The following EPS15 variants were observed in gnomAD, a reference collection of about 807,000 sequenced individuals.
EPS15 encodes the protein epidermal growth factor receptor pathway substrate 15.
A neutral mutation model predicts 113.8 loss-of-function variants in EPS15; 72 were observed. The observed-to-expected ratio is 0.63, with a 90% CI of 0.52 to 0.77. The LOEUF is 0.77. EPS15 is among the 30% of genes least tolerant of loss of function. The pLI is 0.00. For synonymous variants in EPS15, 344 were observed against 363.4 expected, an observed-to-expected ratio of 0.95 and a Z score of 0.61; for missense variants, 1,048 against 1,045.8, an observed-to-expected ratio of 1.00 and a Z score of -0.03.
At chr1:51,357,391 AATATATATATATATAT>A (rs869072153) in intron 24 of EPS15, among the ~76,000 whole-genome samples, 1 of 65,720 alleles carries the variant, frequency 1.5e-5, no homozygotes, top group African/African-American at 7.0e-5. Context: ...AAAAAAAAAA[AATATATATATATATAT>A]ATATATATAT....
chr1:51,436,883 A>T (rs183080772), intron 12 of EPS15, among the ~76,000 whole-genome samples: 10 of 152,300 alleles, frequency 6.6e-5, no homozygotes, highest in Admixed American at 6.5e-4. Flanking sequence ...GGGAATTCAT[A>T]TCCTACTAGA....
chr1:51,373,837 G>A (rs1051588354), intron 21 of EPS15, among the ~76,000 whole-genome samples: 1 of 152,148 alleles, frequency 6.6e-6, no homozygotes, highest in Non-Finnish European at 1.5e-5. Flanking sequence ...TGTAATCTCA[G>A]CTACTTGGGA....
chr1:51,392,179 C>T (rs1370190805), intron 21 of EPS15, among the ~76,000 whole-genome samples: 1 of 152,154 alleles, frequency 6.6e-6, no homozygotes, highest in South Asian at 2.1e-4. Context: ...AAACCAGAGA[C>T]CTCATTTGAA....
intron 21 of EPS15, among the ~76,000 whole-genome samples, chr1:51,381,756 T>G (rs1409655536): frequency 1.3e-5 from 2 of 151,838 alleles, no homozygotes; most frequent in Non-Finnish European, 2.9e-5. Context: ...GAAAATATCT[T>G]GAAACAAATG....
At chr1:51,376,070 A>G (rs1646790498) in intron 21 of EPS15, among the ~76,000 whole-genome samples, 1 of 152,260 alleles carries the variant, frequency 6.6e-6, no homozygotes, top group African/African-American at 2.4e-5. Context: ...GCAGTCTTCT[A>G]CTGGAAGAAA....
At chr1:51,446,924 C>A in intron 10 of EPS15, 36 bp downstream of exon 10, 1 of 1,523,604 alleles carries the variant, frequency 6.6e-7, no homozygotes, top group Non-Finnish European at 8.9e-7. Context: ...GATACAAAAC[C>A]ATATTTTTAA....
intron 13 of EPS15, among the ~76,000 whole-genome samples, chr1:51,415,953 GAAAATTATTTGT>G (rs1424396468): frequency 6.6e-6 from 1 of 151,204 alleles, no homozygotes; most frequent in East Asian, 1.9e-4. Flanking sequence ...AATTTCACTG[GAAAATTATTTGT>G]AAGGCTACCA....
chr1:51,507,905 C>T (rs1422248368), intron 1 of EPS15, among the ~76,000 whole-genome samples: 2 of 151,944 alleles, frequency 1.3e-5, no homozygotes, highest in Admixed American at 6.6e-5. Flanking sequence ...AGGCCCAACG[C>T]GGTGGCTCAC....
intron 1 of EPS15, among the ~76,000 whole-genome samples, chr1:51,495,817 AG>A (rs1644315187): frequency 6.6e-6 from 1 of 152,190 alleles, no homozygotes; most frequent in African/African-American, 2.4e-5. Context: ...CAGAAATAAC[AG>A]CTTTGATTAG....
intron 18 of EPS15, 141 bp from the exon 19 acceptor site, chr1:51,401,094 T>C (rs934326762): frequency 2.0e-5 from 11 of 548,412 alleles, no homozygotes; most frequent in East Asian, 9.6e-5. Flanking sequence ...ATAAGGAATG[T>C]CATTGACCTT....
chr1:51,506,756 T>G (rs1278974531), intron 1 of EPS15, among the ~76,000 whole-genome samples: 1 of 144,212 alleles, frequency 6.9e-6, no homozygotes, highest in African/African-American at 2.6e-5. Context: ...CACCCCCAGA[T>G]CTTACAAGGC....
chr1:51,433,830 A>G (rs1314025051), intron 12 of EPS15, among the ~76,000 whole-genome samples: 1 of 152,232 alleles, frequency 6.6e-6, no homozygotes, highest in Non-Finnish European at 1.5e-5. Flanking sequence ...TGCTAAAAGG[A>G]CAGAGACAGG....
chr1:51,424,532 A>T (rs1240095339), intron 12 of EPS15, among the ~76,000 whole-genome samples: 1 of 152,226 alleles, frequency 6.6e-6, no homozygotes, highest in Non-Finnish European at 1.5e-5. Context: ...CCACAATAAG[A>T]AGTAATATTT....
intron 8 of EPS15, 94 bp from the exon 9 acceptor site, chr1:51,448,229 C>T: frequency 1.5e-6 from 1 of 660,112 alleles, no homozygotes; most frequent in Middle Eastern, 3.2e-4. Flanking sequence ...CATCGTCAGG[C>T]TCTCAAATCC....
intron 21 of EPS15, among the ~76,000 whole-genome samples, chr1:51,389,167 T>C (rs1332633147): frequency 1.3e-5 from 2 of 152,120 alleles, no homozygotes; most frequent in South Asian, 2.1e-4. Flanking sequence ...GTTCAATATA[T>C]GCCAATCAAT....
chr1:51,413,748 C>A (rs556388333), intron 13 of EPS15, among the ~76,000 whole-genome samples: 139 of 152,142 alleles, frequency 9.1e-4, no homozygotes, highest in African/African-American at 3.1e-3. Flanking sequence ...GTCACTGTGG[C>A]ATATACCTTT....
intron 1 of EPS15, among the ~76,000 whole-genome samples, chr1:51,500,016 T>G (rs72691892): frequency 0.12 from 18,978 of 152,272 alleles, 1,425 homozygotes; most frequent in African/African-American, 0.21. Context: ...ACTATGCTAG[T>G]TACCACATAT....
intron 12 of EPS15, 70 bp downstream of exon 12, chr1:51,440,277 C>CTG (rs3040220): frequency 0.25 from 109,675 of 441,480 alleles, 8,214 homozygotes; most frequent in East Asian, 0.48. Flanking sequence ...TATACATGTA[C>CTG]TGTGTGTGTG....
chr1:51,483,410 T>A (rs1644058218), intron 1 of EPS15, among the ~76,000 whole-genome samples: 1 of 135,508 alleles, frequency 7.4e-6, no homozygotes, highest in African/African-American at 2.9e-5. Flanking sequence ...TGTGTGTGTG[T>A]GTGTGTGTGT....
Sources: gnomAD v4.1 joint callset for allele counts (sites outside exome capture counted in the v4.1 genomes callset) on GRCh38, gnomAD v4.1.1 for gene constraint, MANE v1.5 for transcripts, NCBI Gene and HGNC (gene_info 2026-07-23, HGNC 2026-07-21) for gene names.